The following GNPTAB variants were observed in gnomAD, a reference collection of about 807,000 sequenced individuals.
The protein encoded by GNPTAB is N-acetylglucosamine-1-phosphotransferase subunits alpha/beta.
In GNPTAB, 92 loss-of-function variants were observed where a neutral mutation model predicts 136.6. The observed-to-expected ratio is 0.67, with a 90% CI of 0.57 to 0.80. The LOEUF (loss-of-function observed/expected upper bound fraction) is 0.80. Ranked by LOEUF, GNPTAB falls within the 30% of genes least tolerant of loss-of-function variation. The probability of loss-of-function intolerance (pLI) is 0.00; values close to 1 mark genes in which losing one functional copy is unlikely to be tolerated. For synonymous variants in GNPTAB, 512 were observed against 535.1 expected, an observed-to-expected ratio of 0.96 and a Z score of 0.60; for missense variants, 1,343 against 1,501.8, an observed-to-expected ratio of 0.89 and a Z score of 1.75.
intron 7 of GNPTAB, among the ~76,000 whole-genome samples, chr12:101,771,825 C>T (rs1185897413): frequency 6.6e-6 from 1 of 152,194 alleles, no homozygotes; most frequent in Non-Finnish European, 1.5e-5. Context: ...GACTTCTTTG[C>T]AAGTACACCT....
chr12:101,757,196 A>G lies in GNPTAB; in HGVS notation c.3434+16T>C, dbSNP rs530706212. On this transcript the variant is annotated intron_variant, in intron 18 of 20. Coordinates refer to ENST00000299314, the MANE Select transcript of GNPTAB (RefSeq NM_024312.5). ...GTTTATTTGCATAATTAAAAATTAT[A>G]TATAAAAATCAGTACCTAGGGTTTT... 1.7e-4 allele frequency: 217 copies of G among 1,295,866 alleles called. No individual in the cohort carries two copies. Among genetic ancestry groups the G allele is most frequent in the Non-Finnish European group, 2.2e-4 (196 of 893,458 alleles). 80.3% of individuals were successfully genotyped at this position (1,295,866 alleles called of 1,614,324 possible).
chr12:101,814,249 A>G (rs1163483445), intron 1 of GNPTAB, among the ~76,000 whole-genome samples: 1 of 152,000 alleles, frequency 6.6e-6, no homozygotes, highest in African/African-American at 2.4e-5. Context: ...CAGTGAGCTG[A>G]CATTGAGCCA....
intron 1 of GNPTAB, among the ~76,000 whole-genome samples, chr12:101,820,310 T>G (rs1035679968): frequency 5.3e-5 from 8 of 152,188 alleles, no homozygotes; most frequent in Admixed American, 3.3e-4. Flanking sequence ...TCCCAAGATG[T>G]TGGTGGAGTG....
rs940569903 is a variant in GNPTAB, at chr12:101,795,145, G to A, written c.203+1532C>T. Among the ~76,000 whole-genome samples the A allele has an allele frequency of 1.8e-4, 27 of 152,284 alleles. 1 individual carries two copies. The East Asian group carries it at 1.9e-3, about 11-fold the overall frequency. On this transcript the variant is annotated intron_variant, in intron 2 of 20. Transcript: ENST00000299314. ...CCTTTAATGCAGTAGTTTTCACAGT[G>A]GGGGCACCAGACCAGCAACTTTGGT...
At chr12:101,817,038 T>C (rs914434531) in intron 1 of GNPTAB, among the ~76,000 whole-genome samples, 4 of 152,024 alleles carry the variant, frequency 2.6e-5, no homozygotes, top group Non-Finnish European at 4.4e-5. Context: ...TGCCAGAGGA[T>C]GGAAAGGGTA....
intron 1 of GNPTAB, chr12:101,810,528 A>T (rs1406552032): frequency 6.6e-6 from 1 of 151,270 alleles, no homozygotes; most frequent in Non-Finnish European, 1.5e-5. Context: ...ACTGCTCACC[A>T]TGGGTGACCT....
chr12:101,773,750 T>G (rs1953217746), intron 7 of GNPTAB: 1 of 152,206 alleles, frequency 6.6e-6, no homozygotes, highest in African/African-American at 2.4e-5. Context: ...GGAAGTACCC[T>G]CTGACAGCCA....
At position 101,770,034 on chromosome 12, in the gene GNPTAB, G is replaced by C; in HGVS notation, c.1271C>G (p.Ser424Cys). 6.2e-7 allele frequency: 1 copy of C among 1,613,972 alleles called. No homozygotes were observed. The part of the protein sequence containing the change: ...DVWPDDFYSH[S>C]KGQKVYLTWP... ...TTAGGCACTCACCTTCTGGCCTTTG[G>C]AGTGACTGTAAAAATCATCTGGCCA... The change falls in exon 10 of 21, where the codon TCC becomes TGC. Residue 424 changes from serine to cysteine, a missense_variant. By Grantham distance (112) the Ser-to-Cys change is moderately radical (BLOSUM62 -1). Coordinates refer to ENST00000299314, the MANE Select transcript of GNPTAB (RefSeq NM_024312.5).
In GNPTAB at chr12:101,760,106, GA is replaced by G. The variant is rs748659122; in HGVS notation, c.3172del (p.Ser1058GlnfsTer11). 6.2e-7 allele frequency: 1 copy of G among 1,613,056 alleles called. No homozygotes were observed. Among genetic ancestry groups the G allele is most frequent in the Non-Finnish European group, 8.5e-7 (1 of 1,179,132 alleles). On this transcript the variant is annotated frameshift_variant, in exon 16 of 21. Coordinates refer to ENST00000299314, the MANE Select transcript of GNPTAB (RefSeq NM_024312.5). LOFTEE classifies it high-confidence loss of function. The stretch of plus-strand genomic sequence containing the variant: ...CGTGATATCAGCAGGAAGCATTTTT[GA>G]GCAATTTATTAGCATGTGTTCCAGA... The part of the protein sequence containing the change: ...TGLEHMLINC[S>X]KMLPADITQL...
At chr12:101,788,206 A>G (rs1319663351) in intron 4 of GNPTAB, among the ~76,000 whole-genome samples, 1 of 152,232 alleles carries the variant, frequency 6.6e-6, no homozygotes, top group Non-Finnish European at 1.5e-5. Context: ...CTATAAGTAA[A>G]TGATGGACAT....
intron 1 of GNPTAB, among the ~76,000 whole-genome samples, chr12:101,826,262 G>A (rs1871079494): frequency 6.6e-6 from 1 of 152,114 alleles, no homozygotes; most frequent in Non-Finnish European, 1.5e-5. Context: ...GATTCTATGT[G>A]AACCTATTTT....
chr12:101,765,078 A>G lies in GNPTAB; in HGVS notation c.1839T>C (p.Phe613=). 6.2e-7 allele frequency: 1 copy of G among 1,614,128 alleles called. No homozygotes were observed. The highest frequency in any genetic ancestry group is 1.1e-5 in the South Asian group (1 of 91,074). ...HSGMNATTIH[F]NLTFQNTNDE... Reference sequence around the variant, plus strand: ...CGTTTGTATTTTGAAACGTGAGATTAAAATGTATTGTGGTGGCATTCATTC... The same window carrying G: ...CGTTTGTATTTTGAAACGTGAGATTGAAATGTATTGTGGTGGCATTCATTC... The change falls in exon 13 of 21, where the codon TTT becomes TTC. Residue 613 remains phenylalanine, a synonymous_variant. Coordinates refer to ENST00000299314, the MANE Select transcript of GNPTAB (RefSeq NM_024312.5).
intron 20 of GNPTAB, among the ~76,000 whole-genome samples, chr12:101,748,002 G>C (rs1952761616): frequency 7.5e-6 from 1 of 132,882 alleles, no homozygotes; most frequent in Non-Finnish European, 1.7e-5. Context: ...GCTCCTTTGA[G>C]TCAGGGCTCC....
chr12:101,785,157 G>A (rs764451218), intron 5 of GNPTAB, among the ~76,000 whole-genome samples: 3 of 152,240 alleles, frequency 2.0e-5, no homozygotes, highest in Non-Finnish European at 4.4e-5. Context: ...CTTCTAGGTT[G>A]CAGATGGCAT....
At position 101,747,011 on chromosome 12, in the gene GNPTAB, G is replaced by A. The variant is rs377647303; in HGVS notation, c.*153C>T. On this transcript the variant is annotated 3_prime_UTR_variant, in exon 21 of 21. Coordinates refer to ENST00000299314, the MANE Select transcript of GNPTAB (RefSeq NM_024312.5). ...GTTGGTTAAATAATTCCTGGTCAGT[G>A]GGCTATATTCATGCCACAAAACAGC... 13 of 662,404 alleles carry A rather than the reference G, an allele frequency of 2.0e-5. No individual in the cohort carries two copies. Among genetic ancestry groups the A allele is most frequent in the East Asian group, 5.6e-5 (2 of 36,034 alleles). The allele number at this position is 662,404 out of a possible 1,614,324, so 41.0% of individuals were successfully genotyped here.
At chr12:101,773,855 G>C (rs1287193586) in intron 7 of GNPTAB, 3 of 152,272 alleles carry the variant, frequency 2.0e-5, no homozygotes, top group South Asian at 2.1e-4. Context: ...CCTAAGGCTG[G>C]AGTTTGTGGC....
At chr12:101,784,809 C>T (rs1197104175) in intron 5 of GNPTAB, among the ~76,000 whole-genome samples, 1 of 152,084 alleles carries the variant, frequency 6.6e-6, no homozygotes, top group Non-Finnish European at 1.5e-5. Context: ...AGCTAGAGAA[C>T]TAGACTTGGT....
intron 1 of GNPTAB, among the ~76,000 whole-genome samples, chr12:101,822,258 A>G (rs1031026600): frequency 6.6e-6 from 1 of 152,086 alleles, no homozygotes; most frequent in African/African-American, 2.4e-5. Context: ...CTAAAAATAC[A>G]AAAAATTAGC....
intron 1 of GNPTAB, among the ~76,000 whole-genome samples, chr12:101,821,671 A>C (rs1870810564): frequency 6.6e-6 from 1 of 152,230 alleles, no homozygotes; most frequent in African/African-American, 2.4e-5. Context: ...AAGGGGGAGC[A>C]GTGGAAGTCT....
Sources: allele counts gnomAD v4.1 joint callset (sites outside exome capture counted in the v4.1 genomes callset), GRCh38; gene constraint gnomAD v4.1.1; transcripts MANE v1.5; gene names NCBI Gene and HGNC (gene_info 2026-07-23, HGNC 2026-07-21).